The following NUP58 variants were observed in gnomAD, a reference collection of about 807,000 sequenced individuals.
The protein encoded by NUP58 is nucleoporin p58/p45.
In NUP58, 17 loss-of-function variants were observed where a neutral mutation model predicts 70.1. The observed-to-expected ratio is 0.24, with a 90% CI of 0.17 to 0.36. The LOEUF is 0.36. Ranked by LOEUF, NUP58 falls within the 10% of genes least tolerant of loss-of-function variation. The pLI, the probability that NUP58 is intolerant of heterozygous loss-of-function variation, is 1.00. For synonymous variants in NUP58, 275 were observed against 257.6 expected (o/e 1.07, Z -0.65); for missense variants, 644 against 701.5 (o/e 0.92, Z 0.93).
intron 3 of NUP58, among the ~76,000 whole-genome samples, chr13:25,347,591 C>T (rs2032065165): frequency 6.6e-6 from 1 of 152,154 alleles, no homozygotes; most frequent in Non-Finnish European, 1.5e-5. Flanking sequence ...TTTTTGGTTT[C>T]CAAGGATTTA....
chr13:25,327,057 T>G (rs943928909), intron 11 of NUP58, 23 bp downstream of exon 11: 4 of 1,405,604 alleles, frequency 2.8e-6, no homozygotes, highest in Non-Finnish European at 3.0e-6. Context: ...CTGTGGTAAT[T>G]TTTTTTGAAC....
At position 25,340,131 on chromosome 13, in the gene NUP58, A is replaced by T; in HGVS notation, c.1797A>T (p.Arg599Ser). The T allele has an allele frequency of 6.2e-7, 1 of 1,611,104 alleles. No individual in the cohort carries two copies. Among genetic ancestry groups the T allele is most frequent in the Non-Finnish European group, 8.5e-7 (1 of 1,178,878 alleles). Residue 599 changes from arginine to serine, a missense_variant, in exon 16 of 16, where the codon AGA becomes AGT. Arg to Ser is a moderately radical substitution (Grantham distance 110). Around this residue, in one of 4 missense-constraint regions of NUP58, gnomAD observed 132 missense variants for 203.9 expected, o/e 0.65. Coordinates refer to ENST00000381736, the MANE Select transcript of NUP58 (RefSeq NM_014089.4). ...KPPAGNKRGKR is the reference protein window; with the variant it reads ...KPPAGNKRGKS Reference sequence around the variant, plus strand: ...CAGCTGGAAACAAAAGAGGAAAAAGATAAACATGGGTTGATGTGTTGAGAG... The same window carrying T: ...CAGCTGGAAACAAAAGAGGAAAAAGTTAAACATGGGTTGATGTGTTGAGAG...
chr13:25,313,798 A>G, intron 5 of NUP58, 47 bp downstream of exon 5: 1 of 1,383,156 alleles, frequency 7.2e-7, no homozygotes, highest in Non-Finnish European at 9.6e-7. Context: ...TTTATATTTA[A>G]ATGTACTTAT....
rs1381164343 is a variant in NUP58 at position 25,309,257 on chromosome 13, A to T, written c.261A>T (p.Thr87=). 6.2e-7 allele frequency: 1 copy of T among 1,606,870 alleles called. No homozygotes were observed. The highest frequency in any genetic ancestry group is 1.7e-5 in the Admixed American group (1 of 59,932). The change falls in exon 3 of 16, where the codon ACA becomes ACT. Residue 87 remains threonine, a synonymous_variant. Transcript: ENST00000381736. ...TCTTTTTGTCCCCAGGAATAGCAACAACTATAACTACAGGATTAACTCTGG... is the reference window on the plus strand; with the variant it reads ...TCTTTTTGTCCCCAGGAATAGCAACTACTATAACTACAGGATTAACTCTGG... ...TLGGTNTGIA[T]TITTGLTLGT... is the part of the protein sequence containing the mutation.
intron 3 of NUP58, among the ~76,000 whole-genome samples, chr13:25,347,913 CTA>C (rs58811886): frequency 0.049 from 7,417 of 152,278 alleles, 219 homozygotes; most frequent in East Asian, 0.15. Context: ...TTCTACTCCT[CTA>C]TACCATGTTT....
downstream of NUP58, among the ~76,000 whole-genome samples, chr13:25,344,746 ATT>A (rs1363622368): frequency 6.6e-6 from 1 of 152,104 alleles, no homozygotes; most frequent in African/African-American, 2.4e-5. Context: ...TTCTTGTTTG[ATT>A]ATTTTTACTA....
chr13:25,331,492 AC>A lies in NUP58; in HGVS notation c.1371del (p.Met458CysfsTer48). ...RVTTGPTPFS[T>X]MPNAAAVAMA... is the part of the protein sequence containing the mutation. ...TACTACTGGACCCACTCCTTTCAGC[AC>A]CATGCCAAACGCAGCAGCCGTTGCC... On this transcript the variant is annotated frameshift_variant, in exon 13 of 16. Coordinates refer to ENST00000381736, the MANE Select transcript of NUP58 (RefSeq NM_014089.4). LOFTEE classifies it high-confidence loss of function. 1 of 1,614,172 alleles carries A rather than the reference AC, an allele frequency of 6.2e-7. No homozygotes were observed. Among genetic ancestry groups the A allele is most frequent in the Non-Finnish European group, 8.5e-7 (1 of 1,180,028 alleles).
rs769375545 is a variant in NUP58 at position 25,313,019 on chromosome 13, A to G, written c.423A>G (p.Thr141=). 6.8e-6 allele frequency: 11 copies of G among 1,613,194 alleles called. No homozygotes were observed. Among genetic ancestry groups the G allele is most frequent in the Non-Finnish European group, 6.8e-6 (8 of 1,179,768 alleles). The change falls in exon 4 of 16, where the codon ACA becomes ACG. Residue 141 remains threonine, a synonymous_variant. Coordinates refer to ENST00000381736, the MANE Select transcript of NUP58 (RefSeq NM_014089.4). The part of the protein sequence containing the change: ...ASGLTLSSAL[T]STPAASTGFT... Reference sequence around the variant, plus strand: ...GTCTGACTCTTTCGTCTGCTCTGACATCAACTCCAGCAGGTGAGGCAGAAT... The same window carrying G: ...GTCTGACTCTTTCGTCTGCTCTGACGTCAACTCCAGCAGGTGAGGCAGAAT...
intron 13 of NUP58, chr13:25,335,435 C>T (rs1307609891): frequency 2.0e-6 from 2 of 985,150 alleles, no homozygotes; most frequent in East Asian, 2.3e-4. Flanking sequence ...TGTTAAAGAA[C>T]TGGACATGTG....
At chr13:25,312,847 T>G (rs1320006078) in intron 3 of NUP58, 36 bp from the exon 4 acceptor site, 42 of 1,546,336 alleles carry the variant, frequency 2.7e-5, no homozygotes, top group Non-Finnish European at 3.7e-5. Flanking sequence ...AGTAGGATTT[T>G]TGTTTGTTTG....
At position 25,324,978 on chromosome 13, in the gene NUP58, TG is replaced by T; in HGVS notation, c.952-9del. ...CTTTTTTTTTTTTTTTTAAATCCTC[TG>T]GTATATTAGGAGTTGAAGAATGCTG... On this transcript the variant is annotated splice_polypyrimidine_tract_variant and intron_variant, in intron 9 of 15. Coordinates refer to ENST00000381736, the MANE Select transcript of NUP58 (RefSeq NM_014089.4). 1 of 1,468,562 alleles carries T rather than the reference TG, an allele frequency of 6.8e-7. No homozygotes were observed. Among genetic ancestry groups the T allele is most frequent in the Non-Finnish European group, 9.3e-7 (1 of 1,074,290 alleles). 91.0% of individuals were successfully genotyped at this position (1,468,562 alleles called of 1,614,324 possible).
intron 1 of NUP58, among the ~76,000 whole-genome samples, chr13:25,305,145 T>TGTTTG (rs777661901): frequency 1.8e-5 from 1 of 55,272 alleles, no homozygotes; most frequent in African/African-American, 4.1e-5. Context: ...TTTTTTTTTT[T>TGTTTG]TTTTTTTTTT....
At chr13:25,333,358 C>A (rs1046692614) in intron 13 of NUP58, 19 of 985,214 alleles carry the variant, frequency 1.9e-5, no homozygotes, top group Non-Finnish European at 2.2e-5. Context: ...TCTTGAGGAG[C>A]CTTTTGCTCA....
intron 1 of NUP58, among the ~76,000 whole-genome samples, chr13:25,305,137 T>TA (rs1593172476): frequency 6.3e-5 from 1 of 15,756 alleles, no homozygotes; most frequent in Non-Finnish European, 3.8e-4. Flanking sequence ...GGGGTTTTTT[T>TA]TTTTTTTTTT....
chr13:25,303,356 A>G (rs982034447), intron 1 of NUP58, among the ~76,000 whole-genome samples: 2 of 152,100 alleles, frequency 1.3e-5, no homozygotes, highest in African/African-American at 4.8e-5. Flanking sequence ...TTAAAAACAA[A>G]CACACAACTA....
chr13:25,343,090 G>A (rs938188241), downstream of NUP58, among the ~76,000 whole-genome samples: 1 of 151,856 alleles, frequency 6.6e-6, no homozygotes, highest in Non-Finnish European at 1.5e-5. Context: ...TTCTTTAGTG[G>A]TGATTTGTGA....
intron 7 of NUP58, 66 bp downstream of exon 7, chr13:25,319,416 G>C (rs2031083692): frequency 1.4e-6 from 2 of 1,432,622 alleles, no homozygotes; most frequent in Non-Finnish European, 2.0e-6. Flanking sequence ...ATTGTAGGCA[G>C]ATGGTATAAT....
At chr13:25,316,405 A>T (rs910858190) in intron 6 of NUP58, among the ~76,000 whole-genome samples, 2 of 151,962 alleles carry the variant, frequency 1.3e-5, no homozygotes, top group African/African-American at 4.8e-5. Flanking sequence ...GAAGAAAGAT[A>T]AATGGATGAA....
chr13:25,343,379 G>T (rs9285344), downstream of NUP58, among the ~76,000 whole-genome samples: 145,344 of 151,776 alleles, frequency 0.96, 69,928 homozygotes, highest in East Asian at 1. Flanking sequence ...AATGTGCAGG[G>T]TAGTTACATA....
Sources: allele counts gnomAD v4.1 joint callset (sites outside exome capture counted in the v4.1 genomes callset), GRCh38; gene constraint gnomAD v4.1.1; regional missense constraint gnomAD v4.1.1; transcripts MANE v1.5; gene names NCBI Gene and HGNC (gene_info 2026-07-23, HGNC 2026-07-21).